The following PIK3C3 variants were observed in gnomAD, a reference collection of about 807,000 sequenced individuals.
PIK3C3 encodes the protein PI3-kinase type 3.
PIK3C3 carries 95 observed loss-of-function variants against 126.1 expected under a neutral mutation model. That is an observed-to-expected ratio of 0.75 (90% CI 0.64 to 0.89). The LOEUF (loss-of-function observed/expected upper bound fraction) is 0.89. Among genes scored for constraint, PIK3C3 ranks in the 40% least tolerant of loss-of-function variants. The probability of loss-of-function intolerance (pLI) is 0.00; values close to 1 mark genes in which losing one functional copy is unlikely to be tolerated. For synonymous variants in PIK3C3, 374 were observed against 360.0 expected, an observed-to-expected ratio of 1.04 and a Z score of -0.44; for missense variants, 829 against 1,063.2, an observed-to-expected ratio of 0.78 and a Z score of 3.06.
At chr18:41,986,689 T>C (rs1043226848) in intron 4 of PIK3C3, among the ~76,000 whole-genome samples, 1 of 152,116 alleles carries the variant, frequency 6.6e-6, no homozygotes, top group Admixed American at 6.6e-5. Flanking sequence ...TATTTGTCTA[T>C]TATTCCACCA....
intron 9 of PIK3C3, among the ~76,000 whole-genome samples, chr18:42,002,086 A>G (rs1598884735): frequency 6.6e-6 from 1 of 152,322 alleles, no homozygotes; most frequent in East Asian, 1.9e-4. Flanking sequence ...TGGCAGTTAG[A>G]AAAACATCAT....
intron 24 of PIK3C3, among the ~76,000 whole-genome samples, 155 bp from the exon 25 acceptor site, chr18:42,080,968 G>A (rs1986225534): frequency 6.6e-6 from 1 of 152,048 alleles, no homozygotes; most frequent in South Asian, 2.1e-4. Flanking sequence ...ATCCTATACA[G>A]TATAGTTAAT....
chr18:42,023,169 A>T (rs918902626), intron 13 of PIK3C3, among the ~76,000 whole-genome samples: 4 of 152,186 alleles, frequency 2.6e-5, no homozygotes, highest in African/African-American at 4.8e-5. Context: ...CAGAATTTAT[A>T]GTCTAGAGTA....
intron 3 of PIK3C3, among the ~76,000 whole-genome samples, chr18:41,967,734 G>A (rs942079975): frequency 5.9e-5 from 9 of 152,326 alleles, no homozygotes; most frequent in Non-Finnish European, 1.2e-4. Context: ...AGAATGGATT[G>A]ATTGTTAGGT....
At chr18:41,981,941 G>A (rs943329023) in intron 4 of PIK3C3, among the ~76,000 whole-genome samples, 5 of 151,574 alleles carry the variant, frequency 3.3e-5, no homozygotes, top group African/African-American at 9.7e-5. Context: ...CCGAGATCAC[G>A]CCACTGCACT....
Position 42,037,752 on chromosome 18 carries a change from A to G in PIK3C3, c.1900A>G (p.Ile634Val). Residue 634 changes from isoleucine to valine, a missense_variant, in exon 17 of 25, where the codon ATA (isoleucine) becomes GTA (valine). By Grantham distance (29) the Ile-to-Val change is conservative. Around this residue, in one of 4 missense-constraint regions of PIK3C3, gnomAD observed 196 missense variants for 312.8 expected, o/e 0.63. Coordinates refer to ENST00000262039, the MANE Select transcript of PIK3C3 (RefSeq NM_002647.4). Reference sequence around the variant, plus strand: ...GGAAGATGGAGGCAAATATCCAGTTATATTTAAGCATGGAGATGATTTACG... The same window carrying G: ...GGAAGATGGAGGCAAATATCCAGTTGTATTTAAGCATGGAGATGATTTACG... ...KTEDGGKYPV[I>V]FKHGDDLRQD... is the part of the protein sequence containing the mutation. The G allele has an allele frequency of 1.2e-6, 2 of 1,612,212 alleles. No homozygotes were observed. The highest frequency in any genetic ancestry group is 1.7e-6 in the Non-Finnish European group (2 of 1,178,450).
chr18:42,060,068 A>G (rs571813052), intron 22 of PIK3C3, among the ~76,000 whole-genome samples: 1 of 152,142 alleles, frequency 6.6e-6, no homozygotes, highest in South Asian at 2.1e-4. Context: ...AACCCATCGC[A>G]CCTGGCCAAC....
intron 22 of PIK3C3, among the ~76,000 whole-genome samples, chr18:42,062,020 G>A (rs1985337487): frequency 6.6e-6 from 1 of 152,054 alleles, no homozygotes; most frequent in African/African-American, 2.4e-5. Context: ...ATTGGTCTGA[G>A]ATTGGGCTCA....
intron 24 of PIK3C3, among the ~76,000 whole-genome samples, chr18:42,070,215 A>G (rs1329906278): frequency 6.6e-6 from 1 of 152,220 alleles, no homozygotes; most frequent in Non-Finnish European, 1.5e-5. Flanking sequence ...AATAAGTCCC[A>G]AGAGCAGCCC....
rs1184970798 is a variant in PIK3C3 at position 42,082,813 on chromosome 18, C to T, written c.*1676C>T. 1 of 152,172 alleles carries T rather than the reference C, an allele frequency of 6.6e-6. No homozygotes were observed. Among genetic ancestry groups the T allele is most frequent in the Non-Finnish European group, 1.5e-5 (1 of 68,038 alleles). 9.4% of individuals were successfully genotyped at this position (152,172 alleles called of 1,614,324 possible). A position where few individuals can be genotyped will look rare whatever the true frequency, so the allele number is the denominator to read the frequency against. The stretch of plus-strand genomic sequence containing the variant: ...TCCCAATAGCATCAACTTAACTCTG[C>T]TAACTGGAAGGCAAAAGTGTATCAT... On this transcript the variant is annotated 3_prime_UTR_variant, in exon 25 of 25. Coordinates refer to ENST00000262039, the MANE Select transcript of PIK3C3 (RefSeq NM_002647.4).
chr18:41,987,344 A>G lies in PIK3C3; in HGVS notation c.532-468A>G, dbSNP rs186188341. ...TTGCCTAAAATTAAAGCATACATGC[A>G]TATGTGTGAGCTTAAACCTTAGAGT... On this transcript the variant is annotated intron_variant, in intron 4 of 24. Transcript: ENST00000262039. Among the ~76,000 whole-genome samples the G allele has an allele frequency of 3.5e-3, 534 of 152,238 alleles. 2 individuals are homozygous for G. The highest frequency in any genetic ancestry group is 4.7e-3 in the Non-Finnish European group (322 of 67,968).
intron 3 of PIK3C3, among the ~76,000 whole-genome samples, chr18:41,963,007 T>C (rs1420767410): frequency 6.6e-6 from 1 of 152,158 alleles, no homozygotes; most frequent in African/African-American, 2.4e-5. Flanking sequence ...TTAAAAAGCA[T>C]TCATTAGCTA....
At chr18:42,043,854 TAAA>T (rs1984438718) in intron 20 of PIK3C3, 37 bp downstream of exon 20, 1 of 1,393,868 alleles carries the variant, frequency 7.2e-7, no homozygotes, top group Non-Finnish European at 1.0e-6. Context: ...ATTGATCAGA[TAAA>T]GAAGAGCAGG....
At chr18:41,967,093 C>T (rs933378929) in intron 3 of PIK3C3, among the ~76,000 whole-genome samples, 2 of 151,992 alleles carry the variant, frequency 1.3e-5, no homozygotes, top group African/African-American at 4.8e-5. Flanking sequence ...TGAGCTGCCT[C>T]GCATTGGAGA....
chr18:42,014,446 T>C (rs1982981203), intron 11 of PIK3C3, among the ~76,000 whole-genome samples: 1 of 152,192 alleles, frequency 6.6e-6, no homozygotes, highest in African/African-American at 2.4e-5. Flanking sequence ...CATTATCGTG[T>C]TACAACTGTC....
chr18:42,058,248 C>A (rs1331395252), intron 22 of PIK3C3, among the ~76,000 whole-genome samples, 197 bp downstream of exon 22: 1 of 152,160 alleles, frequency 6.6e-6, no homozygotes, highest in African/African-American at 2.4e-5. Context: ...CATAAACTTT[C>A]TTGCTTTCCC....
intron 10 of PIK3C3, among the ~76,000 whole-genome samples, chr18:42,010,484 G>T (rs929474905): frequency 3.9e-5 from 6 of 152,146 alleles, no homozygotes; most frequent in Admixed American, 3.9e-4. Flanking sequence ...TCCTGCCTCA[G>T]CCTCCCGAGT....
chr18:41,977,474 G>A (rs1193081516), intron 4 of PIK3C3, among the ~76,000 whole-genome samples: 2 of 152,002 alleles, frequency 1.3e-5, no homozygotes, highest in Non-Finnish European at 2.9e-5. Flanking sequence ...AGCCATGAGA[G>A]GAAGTGGCTA....
chr18:42,006,553 A>G (rs1414361070), intron 10 of PIK3C3, among the ~76,000 whole-genome samples: 1 of 152,110 alleles, frequency 6.6e-6, no homozygotes, highest in African/African-American at 2.4e-5. Context: ...GGGCTTTCCA[A>G]AAGTTACCTC....
Sources: allele counts gnomAD v4.1 joint callset (sites outside exome capture counted in the v4.1 genomes callset), GRCh38; gene constraint gnomAD v4.1.1; regional missense constraint gnomAD v4.1.1; transcripts MANE v1.5; gene names NCBI Gene and HGNC (gene_info 2026-07-23, HGNC 2026-07-21).